DBF4: variants seen among roughly 807,000 people sequenced by gnomAD.
DBF4 encodes DBF4-CDC7 kinase regulatory subunit.
Under a neutral mutation model 76.6 loss-of-function variants are expected in DBF4, and 25 were observed. That is an observed-to-expected ratio of 0.33 (90% CI 0.24 to 0.46). The LOEUF is 0.46. DBF4 is among the 20% of genes least tolerant of loss of function. The pLI, the probability that DBF4 is intolerant of heterozygous loss-of-function variation, is 1.00. For synonymous variants in DBF4, 213 were observed against 258.0 expected (o/e 0.83, Z 1.67); for missense variants, 638 against 760.8 (o/e 0.84, Z 1.90).
At chr7:87,878,550 G>T (rs1212083539) in intron 2 of DBF4, 1 of 195,150 alleles carries the variant, frequency 5.1e-6, no homozygotes, top group Non-Finnish European at 1.0e-5. Flanking sequence ...TGAATCTTGG[G>T]GAGCTACATA....
In DBF4 at chr7:87,908,024, C is replaced by A; in HGVS notation, c.1886C>A (p.Ser629Ter). 6.2e-7 allele frequency: 1 copy of A among 1,613,746 alleles called. No individual in the cohort carries two copies. The highest frequency in any genetic ancestry group is 8.5e-7 in the Non-Finnish European group (1 of 1,179,782). ...TTGTTTCAGACTAGTGAAGAGAAAT[C>A]AGAATTTTTGGGTTTCACAAGCTAC... is the stretch of plus-strand genomic sequence containing the variant. ...LDLFQTSEEKSEFLGFTSYTE... is the reference protein window; with the variant it reads ...LDLFQTSEEK The change falls in exon 12 of 12, where the codon TCA becomes TAA. Residue 629 changes from serine to a stop codon, truncating the protein, a stop_gained. Transcript: ENST00000265728. LOFTEE classifies it high-confidence loss of function.
chr7:87,885,645 C>G (rs1408368232), intron 3 of DBF4, among the ~76,000 whole-genome samples: 1 of 152,118 alleles, frequency 6.6e-6, no homozygotes, highest in Non-Finnish European at 1.5e-5. Flanking sequence ...ATTTCATTGT[C>G]ATAATGTTTT....
chr7:87,876,758 A>C lies in DBF4; in HGVS notation c.26A>C (p.His9Pro). The change falls in exon 1 of 12, where the codon CAC becomes CCC. Residue 9 changes from histidine (H) to proline (P), a missense_variant. Transcript: ENST00000265728. The part of the protein sequence containing the change: MNSGAMRI[H>P]SKGHFQGGIQ... ...ATGAACTCCGGAGCCATGAGGATCCACAGTAAAGGACATTTCCAGGGTAAG... is the reference window on the plus strand; with the variant it reads ...ATGAACTCCGGAGCCATGAGGATCCCCAGTAAAGGACATTTCCAGGGTAAG... The C allele has an allele frequency of 6.2e-7, 1 of 1,614,184 alleles. No homozygotes were observed. The highest frequency in any genetic ancestry group is 1.7e-5 in the Admixed American group (1 of 60,028).
chr7:87,897,354 C>T lies in DBF4; in HGVS notation c.680+15C>T. 7 of 1,610,518 alleles carry T rather than the reference C, an allele frequency of 4.3e-6. No homozygotes were observed. Among genetic ancestry groups the T allele is most frequent in the Non-Finnish European group, 5.9e-6 (7 of 1,178,584 alleles). ...GATATGAGCCAGTAAGTATTTAAGT[C>T]CAATCTGTATGATTTAAGTGCAATA... On this transcript the variant is annotated intron_variant, in intron 8 of 11. Transcript: ENST00000265728.
At chr7:87,895,442 G>C (rs991403542) in intron 6 of DBF4, among the ~76,000 whole-genome samples, 2 of 152,062 alleles carry the variant, frequency 1.3e-5, no homozygotes, top group Admixed American at 6.6e-5. Flanking sequence ...TCTAAATGTT[G>C]TGTAGGCCCT....
Position 87,909,076 on chromosome 7 carries a change from A to G in DBF4, c.*913A>G, listed in dbSNP as rs2131084474. 6.8e-6 allele frequency: 1 copy of G among 146,262 alleles called. No homozygotes were observed. The highest frequency in any genetic ancestry group is 6.8e-5 in the Admixed American group (1 of 14,658). 9.1% of individuals were successfully genotyped at this position (146,262 alleles called of 1,614,324 possible). The stretch of plus-strand genomic sequence containing the variant: ...GGGTGACAGAGTGAGACTCCATCTC[A>G]AAAAAAAAAAAGTTGACTCTACCCC... On this transcript the variant is annotated 3_prime_UTR_variant, in exon 12 of 12. Transcript: ENST00000265728.
chr7:87,899,309 A>G (rs1224995721), intron 8 of DBF4, among the ~76,000 whole-genome samples: 1 of 152,256 alleles, frequency 6.6e-6, no homozygotes, highest in East Asian at 1.9e-4. Flanking sequence ...GGAAGAAGAT[A>G]CTGCAAGTCA....
chr7:87,896,779 A>G (rs1255151727), intron 7 of DBF4, among the ~76,000 whole-genome samples: 2 of 152,212 alleles, frequency 1.3e-5, no homozygotes, highest in Non-Finnish European at 2.9e-5. Context: ...TTTAATTGTG[A>G]AATAGTGATA....
At chr7:87,888,266 C>G (rs886835569) in intron 6 of DBF4, 2 of 981,656 alleles carry the variant, frequency 2.0e-6, no homozygotes, top group Non-Finnish European at 2.4e-6. Context: ...TGGCATAGGT[C>G]GCTTCCTCAG....
chr7:87,897,783 T>C (rs571903180), intron 8 of DBF4, among the ~76,000 whole-genome samples: 79 of 152,328 alleles, frequency 5.2e-4, no homozygotes, highest in African/African-American at 1.9e-3. Flanking sequence ...GTTGTTTGTT[T>C]TGATTTTTTG....
At chr7:87,888,432 T>A in intron 6 of DBF4, 1 of 624,096 alleles carries the variant, frequency 1.6e-6, no homozygotes, top group Non-Finnish European at 2.0e-6. Flanking sequence ...CTCTAAATGG[T>A]ATAACAAAAT....
At chr7:87,881,189 T>G (rs1839205865) in intron 2 of DBF4, among the ~76,000 whole-genome samples, 1 of 152,112 alleles carries the variant, frequency 6.6e-6, no homozygotes, top group Admixed American at 6.5e-5. Flanking sequence ...GGCGGATCAC[T>G]TGAGGTCAGG....
chr7:87,886,782 T>C, intron 3 of DBF4, 62 bp from the exon 4 acceptor site: 1 of 1,034,248 alleles, frequency 9.7e-7, no homozygotes, highest in South Asian at 1.4e-5. Flanking sequence ...TTAGCTGCTT[T>C]ACCTTTTTAA....
At position 87,907,934 on chromosome 7, in the gene DBF4, G is replaced by T; in HGVS notation, c.1796G>T (p.Arg599Ile). The T allele has an allele frequency of 1.9e-6, 3 of 1,612,550 alleles. No individual in the cohort carries two copies. The highest frequency in any genetic ancestry group is 2.5e-6 in the Non-Finnish European group (3 of 1,179,580). The part of the protein sequence containing the change: ...NLEPNAEFDK[R>I]TEFITQEENR... Reference sequence around the variant, plus strand: ...GAACCAAATGCTGAATTTGATAAAAGAACTGAATTTATTACACAAGAAGAA... The same window carrying T: ...GAACCAAATGCTGAATTTGATAAAATAACTGAATTTATTACACAAGAAGAA... The change falls in exon 12 of 12, where the codon AGA becomes ATA. Residue 599 changes from arginine to isoleucine, a missense_variant. Transcript: ENST00000265728.
intron 6 of DBF4, among the ~76,000 whole-genome samples, chr7:87,890,979 T>C (rs1482880358): frequency 6.6e-6 from 1 of 152,150 alleles, no homozygotes; most frequent in Non-Finnish European, 1.5e-5. Context: ...GGAAAATTTT[T>C]AGTTTGCCAA....
Position 87,908,074 on chromosome 7 carries a change from G to A in DBF4, c.1936G>A (p.Val646Ile). 6.2e-7 allele frequency: 1 copy of A among 1,612,666 alleles called. No individual in the cohort carries two copies. Among genetic ancestry groups the A allele is most frequent in the South Asian group, 1.1e-5 (1 of 90,532 alleles). Residue 646 changes from valine (V) to isoleucine (I), a missense_variant, in exon 12 of 12, where the codon GTT becomes ATT. Val to Ile is a conservative substitution (Grantham distance 29, BLOSUM62 3). Coordinates refer to ENST00000265728, the MANE Select transcript of DBF4 (RefSeq NM_006716.4). ...SYTEKSGICN[V>I]LDIWEEENSD... ...CACAGAAAAGAGTGGTATATGCAAT[G>A]TTTTAGATATTTGGGAAGAGGAAAA...
In DBF4 at chr7:87,907,560, A is replaced by C. The variant is rs751595658; in HGVS notation, c.1422A>C (p.Leu474Phe). 6.2e-7 allele frequency: 1 copy of C among 1,614,162 alleles called. No homozygotes were observed. The highest frequency in any genetic ancestry group is 8.5e-7 in the Non-Finnish European group (1 of 1,179,976). Residue 474 changes from leucine to phenylalanine, a missense_variant, in exon 12 of 12, where the codon TTA (leucine) becomes TTC (phenylalanine). Physicochemically the swap from Leu to Phe is conservative, Grantham distance 22. Transcript: ENST00000265728. ...ISEHTLSENDLEELRVDHYKC... is the reference protein window; with the variant it reads ...ISEHTLSENDFEELRVDHYKC... The stretch of plus-strand genomic sequence containing the variant: ...AACACACATTAAGTGAAAATGACTT[A>C]GAAGAACTAAGGGTAGATCACTATA...
chr7:87,878,532 C>A (rs1440508915), intron 2 of DBF4: 1 of 216,734 alleles, frequency 4.6e-6, no homozygotes, highest in Non-Finnish European at 9.0e-6. Flanking sequence ...ACAGCAATTT[C>A]TTGATTATGA....
rs1839040302 is a variant in DBF4 at position 87,876,551 on chromosome 7, T to A, written c.-182T>A. 1 of 642,212 alleles carries A rather than the reference T, an allele frequency of 1.6e-6. No homozygotes were observed. Among genetic ancestry groups the A allele is most frequent in the Non-Finnish European group, 2.7e-6 (1 of 366,478 alleles). The allele number at this position is 642,212 out of a possible 1,614,324, so 39.8% of individuals were successfully genotyped here. On this transcript the variant is annotated 5_prime_UTR_variant, in exon 1 of 12. Transcript: ENST00000265728. ...CTTTGCGCCTTCCTCCTCCGCGCCT[T>A]GGAGCCGGATCCGGCCCCGGAAACC...
Sources: allele counts gnomAD v4.1 joint callset (sites outside exome capture counted in the v4.1 genomes callset), GRCh38; gene constraint gnomAD v4.1.1; transcripts MANE v1.5; gene names NCBI Gene and HGNC (gene_info 2026-07-23, HGNC 2026-07-21).